Variants in IMPG2 observed in about 807,000 individuals in gnomAD.
The protein encoded by IMPG2 is IPM 200.
Under a neutral mutation model 129.2 loss-of-function variants are expected in IMPG2, and 91 were observed. The ratio of observed to expected loss-of-function variants is 0.70; its 90% CI spans 0.59 to 0.84. IMPG2 has a LOEUF of 0.84. Among genes scored for constraint, IMPG2 ranks in the 40% least tolerant of loss-of-function variants. IMPG2 has a pLI of 0.00. For synonymous variants in IMPG2, 510 were observed against 517.7 expected, an observed-to-expected ratio of 0.99 and a Z score of 0.20; for missense variants, 1,430 against 1,461.7, an observed-to-expected ratio of 0.98 and a Z score of 0.35.
At chr3:101,258,801 A>G (rs1248840614) in intron 9 of IMPG2, among the ~76,000 whole-genome samples, 1 of 152,142 alleles carries the variant, frequency 6.6e-6, no homozygotes, top group Non-Finnish European at 1.5e-5. Context: ...CAGAATATAA[A>G]ATTTTAAACC....
In IMPG2 at chr3:101,229,337, C is replaced by T. The variant is rs112448579; in HGVS notation, c.3633+43G>A. 2.6e-5 allele frequency: 35 copies of T among 1,348,972 alleles called. No homozygotes were observed. In the African/African-American group the frequency reaches 2.8e-4, roughly 11 times the overall value. 83.6% of individuals were successfully genotyped at this position (1,348,972 alleles called of 1,614,324 possible). ...CACCCCCTGCTCCCCCACACACACA[C>T]CAGCAGTAGCTGCGACAGCAACATA... On this transcript the variant is annotated intron_variant, in intron 17 of 18. Coordinates refer to ENST00000193391, the MANE Select transcript of IMPG2 (RefSeq NM_016247.4).
chr3:101,278,064 G>A (rs375308230), intron 4 of IMPG2, among the ~76,000 whole-genome samples: 119 of 152,092 alleles, frequency 7.8e-4, no homozygotes, highest in Non-Finnish European at 1.4e-3. Context: ...GTGAAACCCC[G>A]TCTCTACTAA....
chr3:101,312,156 A>G (rs1707268991), intron 2 of IMPG2, among the ~76,000 whole-genome samples: 1 of 152,142 alleles, frequency 6.6e-6, no homozygotes, highest in African/African-American at 2.4e-5. Flanking sequence ...TTATGACACC[A>G]AAGGCTCAAA....
chr3:101,285,765 T>A (rs1269113133), intron 4 of IMPG2, among the ~76,000 whole-genome samples: 2 of 152,214 alleles, frequency 1.3e-5, no homozygotes, highest in Non-Finnish European at 2.9e-5. Flanking sequence ...GAAAAGTTCA[T>A]TATATCATTT....
intron 14 of IMPG2, among the ~76,000 whole-genome samples, chr3:101,234,077 AGT>A (rs970521663): frequency 6.6e-6 from 1 of 151,394 alleles, no homozygotes; most frequent in Non-Finnish European, 1.5e-5. Context: ...TGAGTTGAAT[AGT>A]GTCCCCAGAA....
At chr3:101,291,405 T>G in intron 4 of IMPG2, 74 bp downstream of exon 4, 1 of 1,220,902 alleles carries the variant, frequency 8.2e-7, no homozygotes, top group Non-Finnish European at 1.2e-6. Context: ...CCATTAAATT[T>G]GGGGTGAGTC....
intron 11 of IMPG2, among the ~76,000 whole-genome samples, chr3:101,248,449 G>A (rs562057839): frequency 3.3e-5 from 5 of 152,230 alleles, no homozygotes; most frequent in South Asian, 2.1e-4. Context: ...TATCAGCAGC[G>A]TGAAAACAGA....
At chr3:101,269,601 A>C (rs773096989) in intron 7 of IMPG2, 28 bp from the exon 8 acceptor site, 1 of 1,344,702 alleles carries the variant, frequency 7.4e-7, no homozygotes, top group Non-Finnish European at 1.1e-6. Flanking sequence ...AAAAATGATA[A>C]CTATGTAAAA....
chr3:101,229,293 C>A (rs1421231626), intron 17 of IMPG2, 87 bp downstream of exon 17: 6 of 1,051,386 alleles, frequency 5.7e-6, no homozygotes, highest in Non-Finnish European at 8.8e-6. Context: ...CACATACACT[C>A]ATACACACCC....
At chr3:101,229,351 G>C in intron 17 of IMPG2, 29 bp downstream of exon 17, 1 of 1,424,696 alleles carries the variant, frequency 7.0e-7, no homozygotes, top group South Asian at 1.1e-5. Flanking sequence ...CAGTAGCTGC[G>C]ACAGCAACAT....
chr3:101,279,146 C>G (rs1420154974), intron 4 of IMPG2, among the ~76,000 whole-genome samples: 1 of 152,030 alleles, frequency 6.6e-6, no homozygotes, highest in Non-Finnish European at 1.5e-5. Context: ...GTATCCAGTT[C>G]TCTTTCAATA....
intron 2 of IMPG2, 131 bp downstream of exon 2, chr3:101,319,453 G>A (rs545322): frequency 0.78 from 851,646 of 1,092,424 alleles, 334,432 homozygotes; most frequent in East Asian, 0.86. Flanking sequence ...TATATTCTTA[G>A]CAGTAGAAAG....
intron 7 of IMPG2, among the ~76,000 whole-genome samples, chr3:101,272,869 C>T (rs770975595): frequency 2.7e-4 from 41 of 152,076 alleles, no homozygotes; most frequent in Admixed American, 5.9e-4. Context: ...AAAAAATAAA[C>T]GAAGGAATGA....
intron 9 of IMPG2, among the ~76,000 whole-genome samples, chr3:101,259,603 A>G (rs925953663): frequency 2.0e-5 from 3 of 151,392 alleles, no homozygotes; most frequent in Non-Finnish European, 4.4e-5. Context: ...GAAGGCAGAA[A>G]GAAAACCGCA....
At chr3:101,269,354 C>T (rs1402306800) in intron 8 of IMPG2, among the ~76,000 whole-genome samples, 161 bp downstream of exon 8, 2 of 152,140 alleles carry the variant, frequency 1.3e-5, no homozygotes, top group Admixed American at 6.5e-5. Flanking sequence ...AATTTTCTCA[C>T]CTGAAAAACT....
chr3:101,308,867 T>C (rs1707232681), intron 2 of IMPG2, among the ~76,000 whole-genome samples: 1 of 152,222 alleles, frequency 6.6e-6, no homozygotes, highest in Non-Finnish European at 1.5e-5. Context: ...CTTGTGAATA[T>C]ATAAATCTGA....
chr3:101,257,912 C>T, intron 9 of IMPG2, 139 bp from the exon 10 acceptor site: 2 of 931,004 alleles, frequency 2.1e-6, no homozygotes, highest in South Asian at 1.5e-5. Flanking sequence ...CTCTGAAAAG[C>T]CTGGACAACA....
intron 9 of IMPG2, among the ~76,000 whole-genome samples, chr3:101,261,716 C>A (rs1048911382): frequency 6.6e-6 from 1 of 152,074 alleles, no homozygotes; most frequent in Non-Finnish European, 1.5e-5. Context: ...CCAAGAACAT[C>A]ACTGTGACTC....
intron 4 of IMPG2, among the ~76,000 whole-genome samples, chr3:101,280,236 A>G (rs1706878434): frequency 6.6e-6 from 1 of 152,232 alleles, no homozygotes. Context: ...AGCCACATAG[A>G]ACATATATTT....
Sources: gnomAD v4.1 joint callset for allele counts (sites outside exome capture counted in the v4.1 genomes callset) on GRCh38, gnomAD v4.1.1 for gene constraint, MANE v1.5 for transcripts, NCBI Gene and HGNC (gene_info 2026-07-23, HGNC 2026-07-21) for gene names.